Variants in FBXO11 observed in about 807,000 individuals in gnomAD.
The protein encoded by FBXO11 is F-box only protein 11.
FBXO11 carries 13 observed loss-of-function variants against 117.0 expected under a neutral mutation model. That is an observed-to-expected ratio of 0.11 (90% confidence interval 0.07 to 0.18). FBXO11 has a LOEUF of 0.18. FBXO11 is among the 10% of genes least tolerant of loss of function. FBXO11 has a pLI of 1.00. For synonymous variants in FBXO11, 490 were observed against 380.5 expected (o/e 1.29, Z -3.35); for missense variants, 767 against 1,164.4 (o/e 0.66, Z 4.97).
At chr2:47,891,444 C>T (rs1677252612) in intron 1 of FBXO11, among the ~76,000 whole-genome samples, 1 of 152,196 alleles carries the variant, frequency 6.6e-6, no homozygotes, top group Non-Finnish European at 1.5e-5. Flanking sequence ...TAATGTTGCA[C>T]ATTGCAGAAT....
intron 1 of FBXO11, among the ~76,000 whole-genome samples, chr2:47,863,384 T>C (rs1443108992): frequency 1.3e-5 from 2 of 152,332 alleles, no homozygotes; most frequent in African/African-American, 2.4e-5. Flanking sequence ...TGTCTACAAG[T>C]GCTCTTAAAC....
At chr2:47,837,419 C>T (rs1672666533) in intron 4 of FBXO11, among the ~76,000 whole-genome samples, 1 of 152,106 alleles carries the variant, frequency 6.6e-6, no homozygotes, top group East Asian at 1.9e-4. Flanking sequence ...CCCAGCTACT[C>T]AGGAGGCTGA....
chr2:47,900,823 T>C (rs1306724124), intron 1 of FBXO11, among the ~76,000 whole-genome samples: 1 of 79,570 alleles, frequency 1.3e-5, no homozygotes, highest in Non-Finnish European at 2.7e-5. Context: ...CACGTGTATA[T>C]ATATACACGT....
At chr2:47,877,192 TA>T (rs923202944) in intron 1 of FBXO11, among the ~76,000 whole-genome samples, 10 of 152,110 alleles carry the variant, frequency 6.6e-5, no homozygotes, top group South Asian at 2.1e-4. Flanking sequence ...CACACCCAGC[TA>T]ATTTTTCTAT....
At chr2:47,872,804 T>C (rs968817312) in intron 1 of FBXO11, among the ~76,000 whole-genome samples, 9 of 152,214 alleles carry the variant, frequency 5.9e-5, no homozygotes, top group African/African-American at 1.9e-4. Context: ...TTCACAAATA[T>C]GTAAAACTAT....
At chr2:47,866,065 AACATAGCAAG>A (rs1200921706) in intron 1 of FBXO11, among the ~76,000 whole-genome samples, 1 of 152,066 alleles carries the variant, frequency 6.6e-6, no homozygotes, top group East Asian at 1.9e-4. Context: ...CAATCTGGGC[AACATAGCAAG>A]ACTCCCATCT....
intron 11 of FBXO11, among the ~76,000 whole-genome samples, chr2:47,826,616 TA>T (rs1671772155): frequency 6.6e-6 from 1 of 152,180 alleles, no homozygotes; most frequent in African/African-American, 2.4e-5. Context: ...AGTTTAACCT[TA>T]ATTTTGGTTA....
chr2:47,839,315 A>C (rs774233541), intron 3 of FBXO11, 104 bp downstream of exon 3: 8 of 1,034,312 alleles, frequency 7.7e-6, no homozygotes, highest in Non-Finnish European at 1.1e-5. Context: ...CACTTTCTGA[A>C]TCCCAAAGGT....
At chr2:47,844,116 T>A (rs17036996) in intron 1 of FBXO11, among the ~76,000 whole-genome samples, 22,704 of 152,244 alleles carry the variant, frequency 0.15, 1,851 homozygotes, top group Non-Finnish European at 0.18. Context: ...GTCTAATCTG[T>A]AATTTAACCC....
chr2:47,845,450 C>G (rs1446397290), intron 1 of FBXO11, among the ~76,000 whole-genome samples: 1 of 152,160 alleles, frequency 6.6e-6, no homozygotes, highest in East Asian at 1.9e-4. Context: ...TAAATTACTA[C>G]TGACTGTTCT....
At chr2:47,849,521 G>T (rs1673685622) in intron 1 of FBXO11, among the ~76,000 whole-genome samples, 1 of 152,144 alleles carries the variant, frequency 6.6e-6, no homozygotes, top group South Asian at 2.1e-4. Flanking sequence ...ACTGTGCTAG[G>T]TATTGGTGAC....
chr2:47,816,906 G>C (rs547074807), intron 16 of FBXO11, among the ~76,000 whole-genome samples: 20 of 152,220 alleles, frequency 1.3e-4, no homozygotes, highest in African/African-American at 4.8e-4. Context: ...AAGGGCCCTA[G>C]GGTTTTCATA....
chr2:47,822,886 TA>T (rs968315778), intron 12 of FBXO11, among the ~76,000 whole-genome samples: 6 of 152,190 alleles, frequency 3.9e-5, no homozygotes, highest in African/African-American at 1.4e-4. Flanking sequence ...GAATTTAAAA[TA>T]AAAATCACAG....
At chr2:47,820,590 A>AG (rs369320835) in intron 13 of FBXO11, 134 bp from the exon 14 acceptor site, 61 of 644,132 alleles carry the variant, frequency 9.5e-5, no homozygotes, top group African/African-American at 8.7e-4. Context: ...TAAGAGAACT[A>AG]GAAGTGTAAA....
chr2:47,863,922 C>CA (rs1364033062), intron 1 of FBXO11, among the ~76,000 whole-genome samples: 2 of 149,112 alleles, frequency 1.3e-5, no homozygotes, highest in African/African-American at 2.5e-5. Flanking sequence ...ACCTGGGAGA[C>CA]AGAGTGAGAC....
rs368726037 is a variant in FBXO11 at position 47,872,354 on chromosome 2, C to T, written c.233-32585G>A. Among the ~76,000 whole-genome samples, 13 of 152,310 alleles carry T rather than the reference C, an allele frequency of 8.5e-5. No individual in the cohort carries two copies. In the East Asian group the frequency reaches 2.1e-3, roughly 25 times the overall value. ...ATAATTTGTGTGCGTGAGACAGTTT[C>T]GCTCCTGTTGCACAGGCTGCACTGC... is the stretch of plus-strand genomic sequence containing the variant. On this transcript the variant is annotated intron_variant, in intron 1 of 22. Coordinates refer to ENST00000403359, the MANE Select transcript of FBXO11 (RefSeq NM_001190274.2).
At chr2:47,883,243 G>A (rs1157813048) in intron 1 of FBXO11, among the ~76,000 whole-genome samples, 1 of 152,122 alleles carries the variant, frequency 6.6e-6, no homozygotes, top group Non-Finnish European at 1.5e-5. Context: ...TTTTCCTGAA[G>A]CAGCTATTTA....
At position 47,808,158 on chromosome 2, in the gene FBXO11, G is replaced by C. The variant is rs1447625316; in HGVS notation, c.2744C>G (p.Ser915Cys). Reference protein sequence around the residue: ...PTHDTDTLYDSAPPIESNTLQ... With the variant: ...PTHDTDTLYDCAPPIESNTLQ... Reference sequence around the variant, plus strand: ...TGTATTAGATTCTATAGGTGGAGCAGAGTCATATAGTGTATCTGTATCATG... The same window carrying C: ...TGTATTAGATTCTATAGGTGGAGCACAGTCATATAGTGTATCTGTATCATG... Residue 915 changes from serine to cysteine, a missense_variant, in exon 23 of 23, where the codon TCT (serine) becomes TGT (cysteine). Physicochemically the swap from Ser to Cys is moderately radical, Grantham distance 112. Around this residue, in one of 10 missense-constraint regions of FBXO11, gnomAD observed 47 missense variants for 117.3 expected, o/e 0.40. Transcript: ENST00000403359. The C allele has an allele frequency of 6.2e-7, 1 of 1,613,272 alleles. No individual in the cohort carries two copies. The highest frequency in any genetic ancestry group is 1.7e-5 in the Admixed American group (1 of 60,012).
At chr2:47,842,420 C>G (rs900181726) in intron 1 of FBXO11, among the ~76,000 whole-genome samples, 1 of 152,144 alleles carries the variant, frequency 6.6e-6, no homozygotes, top group Admixed American at 6.6e-5. Context: ...TTAATAATAA[C>G]TCAACAAGCT....
Sources: gnomAD v4.1 joint callset for allele counts (sites outside exome capture counted in the v4.1 genomes callset) on GRCh38, gnomAD v4.1.1 for gene constraint, gnomAD v4.1.1 regional missense constraint, MANE v1.5 for transcripts, NCBI Gene and HGNC (gene_info 2026-07-23, HGNC 2026-07-21) for gene names.